Variants in CSMD1 observed in about 807,000 individuals in gnomAD.
The protein encoded by CSMD1 is CUB and sushi domain-containing protein 1.
In CSMD1, 213 loss-of-function variants were observed where a neutral mutation model predicts 417.5. The ratio of observed to expected loss-of-function variants is 0.51; its 90% CI spans 0.46 to 0.57. The LOEUF (loss-of-function observed/expected upper bound fraction) is 0.57. CSMD1 is among the 20% of genes least tolerant of loss of function. The pLI is 0.00. For missense variants in CSMD1, 6,923 were observed against 4,529.7 expected (o/e 1.53, Z -15.17); for synonymous variants, 2,862 against 1,736.8 (o/e 1.65, Z -16.11).
chr8:3,110,045 A>C (rs1022139576), intron 43 of CSMD1, 113 bp downstream of exon 43: 35 of 872,608 alleles, frequency 4.0e-5, no homozygotes, highest in Non-Finnish European at 5.6e-5. Context: ...TTTCTTCTCT[A>C]GTATCTAAGA....
chr8:3,576,570 T>C (rs779897403), intron 9 of CSMD1, among the ~76,000 whole-genome samples: 32 of 152,224 alleles, frequency 2.1e-4, no homozygotes, highest in Non-Finnish European at 3.5e-4. Context: ...TTGATAAGTG[T>C]GTTAAAATTA....
chr8:4,946,854 A>G (rs948374854), intron 1 of CSMD1, among the ~76,000 whole-genome samples: 5 of 152,222 alleles, frequency 3.3e-5, no homozygotes, highest in African/African-American at 1.2e-4. Context: ...ATTTTGACAT[A>G]AGATTTTAAA....
At chr8:4,681,503 T>C (rs1249506997) in intron 1 of CSMD1, among the ~76,000 whole-genome samples, 1 of 152,124 alleles carries the variant, frequency 6.6e-6, no homozygotes, top group Admixed American at 6.5e-5. Context: ...TCTCAATACG[T>C]TGTTAGGTAA....
intron 6 of CSMD1, among the ~76,000 whole-genome samples, chr8:3,727,628 A>G (rs1802570021): frequency 6.6e-6 from 1 of 152,360 alleles, no homozygotes; most frequent in South Asian, 2.1e-4. Flanking sequence ...CACACCTGAA[A>G]TAATGGAAAG....
intron 51 of CSMD1, among the ~76,000 whole-genome samples, chr8:3,026,068 G>C (rs1809849775): frequency 6.6e-6 from 1 of 152,132 alleles, no homozygotes; most frequent in Non-Finnish European, 1.5e-5. Flanking sequence ...AGGATGTTAG[G>C]AGTCAGCTGA....
At chr8:4,897,230 T>A (rs977648121) in intron 1 of CSMD1, among the ~76,000 whole-genome samples, 1 of 152,104 alleles carries the variant, frequency 6.6e-6, no homozygotes, top group Admixed American at 6.5e-5. Flanking sequence ...CTGTTTTGTT[T>A]CTACTGTGTC....
chr8:3,443,214 A>T (rs1815101288), intron 12 of CSMD1, among the ~76,000 whole-genome samples: 1 of 152,202 alleles, frequency 6.6e-6, no homozygotes, highest in African/African-American at 2.4e-5. Context: ...TATTCATGTC[A>T]GACTATTTCT....
intron 1 of CSMD1, 47 bp from the exon 2 acceptor site, chr8:4,637,605 T>G (rs747048298): frequency 1.6e-6 from 2 of 1,218,316 alleles, no homozygotes; most frequent in Non-Finnish European, 2.3e-6. Context: ...CTGGCCATCT[T>G]TAATCTGTGA....
chr8:3,594,762 G>A (rs1054219310), intron 8 of CSMD1, among the ~76,000 whole-genome samples: 1 of 151,000 alleles, frequency 6.6e-6, no homozygotes, highest in Non-Finnish European at 1.5e-5. Flanking sequence ...AAGAGTGGGA[G>A]GCTTGGGAGA....
chr8:3,510,892 G>T (rs1268751579), intron 10 of CSMD1, among the ~76,000 whole-genome samples: 1 of 151,694 alleles, frequency 6.6e-6, no homozygotes, highest in African/African-American at 2.4e-5. Flanking sequence ...TTCCTTGTAG[G>T]TTCTGGATAT....
chr8:3,789,789 G>A (rs564578159), intron 5 of CSMD1, among the ~76,000 whole-genome samples: 67 of 145,728 alleles, frequency 4.6e-4, no homozygotes, highest in African/African-American at 1.7e-3. Context: ...GGAGTGCAGC[G>A]GTGCTATCTT....
intron 16 of CSMD1, among the ~76,000 whole-genome samples, chr8:3,397,637 T>G (rs1811784403): frequency 6.6e-6 from 1 of 152,214 alleles, no homozygotes; most frequent in Non-Finnish European, 1.5e-5. Context: ...TCTCAGTTGT[T>G]TGAGTTCAAA....
At chr8:4,599,951 A>C (rs1800496484) in intron 2 of CSMD1, among the ~76,000 whole-genome samples, 1 of 152,180 alleles carries the variant, frequency 6.6e-6, no homozygotes, top group Non-Finnish European at 1.5e-5. Flanking sequence ...TCTGACACGC[A>C]TATGCTCTGT....
At chr8:4,772,799 T>C (rs1346056026) in intron 1 of CSMD1, among the ~76,000 whole-genome samples, 2 of 152,212 alleles carry the variant, frequency 1.3e-5, no homozygotes, top group African/African-American at 4.8e-5. Flanking sequence ...AAGGTACTCA[T>C]CTAATTTCGG....
At chr8:4,820,151 G>C (rs977363870) in intron 1 of CSMD1, among the ~76,000 whole-genome samples, 1 of 152,236 alleles carries the variant, frequency 6.6e-6, no homozygotes. Flanking sequence ...ACCTCTCTGT[G>C]AAGGGAGAGC....
intron 7 of CSMD1, among the ~76,000 whole-genome samples, chr8:3,684,655 T>C (rs962871555): frequency 2.0e-5 from 3 of 148,524 alleles, no homozygotes; most frequent in African/African-American, 5.0e-5. Context: ...TGGAGTGCAG[T>C]GGCGCTATCT....
chr8:3,293,900 T>C (rs1195088518), intron 25 of CSMD1, among the ~76,000 whole-genome samples: 2 of 152,008 alleles, frequency 1.3e-5, no homozygotes, highest in Non-Finnish European at 2.9e-5. Context: ...GGAGGAGAGG[T>C]GTTCTGATTT....
intron 1 of CSMD1, among the ~76,000 whole-genome samples, chr8:4,960,420 C>G (rs1278403648): frequency 2.6e-5 from 4 of 152,170 alleles, no homozygotes; most frequent in Non-Finnish European, 5.9e-5. Flanking sequence ...TCTTCTTTCC[C>G]ACTGTTGAAA....
At chr8:4,675,280 G>A (rs1805601754) in intron 1 of CSMD1, among the ~76,000 whole-genome samples, 2 of 152,062 alleles carry the variant, frequency 1.3e-5, no homozygotes, top group Non-Finnish European at 2.9e-5. Flanking sequence ...ATCTCTGAAG[G>A]GGCATTGTTG....
Sources: allele counts gnomAD v4.1 joint callset (sites outside exome capture counted in the v4.1 genomes callset), GRCh38; gene constraint gnomAD v4.1.1; transcripts MANE v1.5; gene names NCBI Gene and HGNC (gene_info 2026-07-23, HGNC 2026-07-21).